FANCB: variants seen among roughly 807,000 people sequenced by gnomAD.
FANCB encodes Fanconi anemia group B protein.
FANCB carries 5 observed loss-of-function variants against 38.9 expected under a neutral mutation model. The observed-to-expected ratio is 0.13, with a 90% CI of 0.07 to 0.27. The LOEUF (loss-of-function observed/expected upper bound fraction) is 0.27, where lower values mean the gene tolerates loss of function less well. Among genes scored for constraint, FANCB ranks in the 10% least tolerant of loss-of-function variants. The pLI, the probability that FANCB is intolerant of heterozygous loss-of-function variation, is 1.00. For missense variants in FANCB, 573 were observed against 602.7 expected (o/e 0.95, Z 0.52); for synonymous variants, 236 against 215.4 (o/e 1.10, Z -0.84).
the FANCB span, among the ~76,000 whole-genome samples, chrX:14,712,560 T>A: frequency 6.4e-5 from 7 of 109,627 alleles, no homozygotes; most frequent in African/African-American, 2.3e-4. Context: ...TAGTTAAAAG[T>A]CTGGAGTAAC....
the FANCB span, among the ~76,000 whole-genome samples, chrX:14,745,467 T>C: frequency 0.014 from 1,582 of 110,882 alleles, 26 homozygotes; most frequent in African/African-American, 0.042. Context: ...GGTTTGCTTA[T>C]GCAGGAATCC....
At chrX:14,728,396 A>G in the FANCB span, among the ~76,000 whole-genome samples, 1 of 111,448 alleles carries the variant, frequency 9.0e-6, no homozygotes, top group Middle Eastern at 4.3e-3. Flanking sequence ...GTCTCAAAAA[A>G]TAATAATAAT....
the FANCB span, among the ~76,000 whole-genome samples, chrX:14,789,859 C>T: frequency 8.9e-6 from 1 of 111,857 alleles, no homozygotes; most frequent in South Asian, 3.7e-4. Context: ...TTCCTCTAAG[C>T]CTCAGATTCC....
chrX:14,856,187 T>C (rs967213761), intron 5 of FANCB, among the ~76,000 whole-genome samples: 1 of 112,028 alleles, frequency 8.9e-6, no homozygotes, highest in African/African-American at 3.2e-5. Context: ...TGTTTAGATT[T>C]GGACCAATAT....
the FANCB span, among the ~76,000 whole-genome samples, chrX:14,799,775 G>C: frequency 8.9e-6 from 1 of 112,123 alleles, no homozygotes; most frequent in Non-Finnish European, 1.9e-5. Context: ...TAAGACCTCA[G>C]ACAGAAAATG....
chrX:14,746,480 G>C, the FANCB span, among the ~76,000 whole-genome samples: 1 of 112,429 alleles, frequency 8.9e-6, no homozygotes, highest in Non-Finnish European at 1.9e-5. Flanking sequence ...TTTCAGGAAA[G>C]CCTTGGATGG....
chrX:14,855,801 G>T (rs1369964995), intron 5 of FANCB, among the ~76,000 whole-genome samples: 1 of 112,152 alleles, frequency 8.9e-6, no homozygotes, highest in African/African-American at 3.2e-5. Context: ...GTTTGTTTCT[G>T]TCAGATGCCT....
the FANCB span, among the ~76,000 whole-genome samples, chrX:14,696,047 A>T: frequency 1.8e-5 from 2 of 110,262 alleles, no homozygotes; most frequent in African/African-American, 6.6e-5. Flanking sequence ...CGGTTTAACT[A>T]CAATTGAAGT....
the FANCB span, among the ~76,000 whole-genome samples, chrX:14,766,972 T>G: frequency 0.036 from 4,020 of 111,719 alleles, 144 homozygotes; most frequent in African/African-American, 0.11. Context: ...GCATTAGTTT[T>G]CTGAGGATAA....
the FANCB span, among the ~76,000 whole-genome samples, chrX:14,738,464 A>T: frequency 8.9e-6 from 1 of 111,895 alleles, no homozygotes; most frequent in African/African-American, 3.2e-5. Context: ...ATGCCTGCCA[A>T]AGCTCAAATC....
the FANCB span, among the ~76,000 whole-genome samples, chrX:14,798,125 TTTTG>T: frequency 4.6e-5 from 5 of 108,014 alleles, no homozygotes; most frequent in Admixed American, 2.0e-4. Context: ...TTCTTTCCTG[TTTTG>T]TTTTTGTTTT....
downstream of FANCB, among the ~76,000 whole-genome samples, chrX:14,835,564 C>T (rs1463288920): frequency 2.7e-5 from 3 of 111,757 alleles, no homozygotes; most frequent in South Asian, 3.7e-4. Flanking sequence ...TAGCAGGTTT[C>T]GGGTAGGGCC....
At position 14,844,517 on chromosome X, in the gene FANCB, T is replaced by A. The variant is rs143850231; in HGVS notation, c.2151A>T (p.Leu717Phe). 2.3e-5 allele frequency: 28 copies of A among 1,192,595 alleles called. No homozygotes were observed. Among genetic ancestry groups the A allele is most frequent in the Non-Finnish European group, 2.8e-5 (25 of 879,292 alleles). The change falls in exon 9 of 10, where the codon TTA becomes TTT. Residue 717 changes from leucine (L) to phenylalanine (F), a missense_variant. By Grantham distance (22) the Leu-to-Phe change is conservative. Transcript: ENST00000650831. ...WKQRTPFEGI[L>F]IIYSRNQTVM... ...ATATGCATTACCTGGAATAGATTAT[T>A]AAAATCCCTTCGAATGGTGTTCTCT...
the FANCB span, among the ~76,000 whole-genome samples, chrX:14,794,969 T>C: frequency 3.6e-5 from 4 of 112,490 alleles, no homozygotes; most frequent in Admixed American, 3.8e-4. Context: ...TTCATTAGGC[T>C]CTTTGAGTGA....
chrX:14,815,644 G>A, the FANCB span, among the ~76,000 whole-genome samples: 10 of 111,836 alleles, frequency 8.9e-5, no homozygotes, highest in African/African-American at 2.9e-4. Flanking sequence ...AGTACAATTC[G>A]ATCCAGCAAA....
Position 14,873,005 on chromosome X carries a change from A to G in FANCB, c.-211T>C, listed in dbSNP as rs1418805032. 8.3e-6 allele frequency: 1 copy of G among 121,117 alleles called. No individual in the cohort carries two copies. Among genetic ancestry groups the G allele is most frequent in the Middle Eastern group, 4.1e-3 (1 of 246 alleles). The allele number at this position is 121,117 out of a possible 1,213,427, so 10.0% of individuals were successfully genotyped here. Reference sequence around the variant, plus strand: ...TCCTACCTCAACGCAGCGGCAACATACCGGAGGCCCCACGTCGATACGGTA... The same window carrying G: ...TCCTACCTCAACGCAGCGGCAACATGCCGGAGGCCCCACGTCGATACGGTA... On this transcript the variant is annotated 5_prime_UTR_variant, in exon 1 of 10. Transcript: ENST00000650831.
chrX:14,855,305 T>C (rs1208163389), intron 5 of FANCB, among the ~76,000 whole-genome samples: 1 of 112,121 alleles, frequency 8.9e-6, no homozygotes, highest in Admixed American at 9.5e-5. Context: ...ATTTGTTACG[T>C]CATGTGCAAA....
chrX:14,773,428 A>C, the FANCB span, among the ~76,000 whole-genome samples: 1 of 111,889 alleles, frequency 8.9e-6, no homozygotes, highest in Non-Finnish European at 1.9e-5. Flanking sequence ...AGAAAATGGG[A>C]GAATCTAGGA....
intron 5 of FANCB, among the ~76,000 whole-genome samples, chrX:14,854,544 C>G (rs1238823760): frequency 8.9e-6 from 1 of 111,768 alleles, no homozygotes; most frequent in East Asian, 2.8e-4. Flanking sequence ...AGATTGTGTA[C>G]CTTCCCAGAA....
Sources: allele counts gnomAD v4.1 joint callset (sites outside exome capture counted in the v4.1 genomes callset), GRCh38; gene constraint gnomAD v4.1.1; transcripts MANE v1.5; gene names NCBI Gene and HGNC (gene_info 2026-07-23, HGNC 2026-07-21).